The following VTCN1 variants were observed in gnomAD, a reference collection of about 807,000 sequenced individuals.
VTCN1 encodes V-set domain-containing T-cell activation inhibitor 1.
In VTCN1, 26 loss-of-function variants were observed where a neutral mutation model predicts 26.5. The ratio of observed to expected loss-of-function variants is 0.98; its 90% confidence interval spans 0.72 to 1.36. VTCN1 has a LOEUF of 1.36. Ranked by LOEUF, VTCN1 falls within the 40% of genes most tolerant of loss-of-function variation. The pLI is 0.00. For missense variants in VTCN1, 298 were observed against 337.7 expected, an observed-to-expected ratio of 0.88 and a Z score of 0.92; for synonymous variants, 116 against 130.7, an observed-to-expected ratio of 0.89 and a Z score of 0.77.
intron 2 of VTCN1, among the ~76,000 whole-genome samples, chr1:117,160,188 G>A (rs1652294554): frequency 6.6e-6 from 1 of 152,194 alleles, no homozygotes. Context: ...AAAATGGAAA[G>A]AGTCTTTCAT....
chr1:117,153,122 A>G lies in VTCN1; in HGVS notation c.693T>C (p.Ile231=), dbSNP rs917877484. Residue 231 remains isoleucine (I), a synonymous_variant, in exon 4 of 6, where the codon ATT becomes ATC. Coordinates refer to ENST00000369458, the MANE Select transcript of VTCN1 (RefSeq NM_024626.4). ...NTYSCMIEND[I]AKATGDIKVT... Reference sequence around the variant, plus strand: ...CTTTGATATCCCCTGTTGCTTTGGCAATGTCATTTTCAATCATACAGGAGT... The same window carrying G: ...CTTTGATATCCCCTGTTGCTTTGGCGATGTCATTTTCAATCATACAGGAGT... The G allele has an allele frequency of 6.2e-6, 10 of 1,611,908 alleles. No individual in the cohort carries two copies. The highest frequency in any genetic ancestry group is 8.5e-6 in the Non-Finnish European group (10 of 1,178,688).
chr1:117,160,485 A>G (rs894496934), intron 2 of VTCN1, among the ~76,000 whole-genome samples: 2 of 152,060 alleles, frequency 1.3e-5, no homozygotes, highest in South Asian at 4.1e-4. Flanking sequence ...TTTTCTAATC[A>G]CTCATCTTTA....
At chr1:117,193,401 G>A (rs1359841582) in intron 1 of VTCN1, among the ~76,000 whole-genome samples, 1 of 152,096 alleles carries the variant, frequency 6.6e-6, no homozygotes, top group Non-Finnish European at 1.5e-5. Context: ...TGAAGAAATG[G>A]AAAGATATTC....
chr1:117,210,468 C>T (rs141455678), intron 1 of VTCN1, among the ~76,000 whole-genome samples: 1 of 152,212 alleles, frequency 6.6e-6, no homozygotes, highest in African/African-American at 2.4e-5. Context: ...CACCATGCAA[C>T]CCACACCAGC....
chr1:117,169,243 A>C lies in VTCN1; in HGVS notation c.97+864T>G, dbSNP rs1273959690. ...GCTTCAGAGCAGTGGCCTATGCAGA[A>C]GAGGAAAGTGAAGAGACTCTTCTGC... is the stretch of plus-strand genomic sequence containing the variant. On this transcript the variant is annotated intron_variant, in intron 2 of 5. Transcript: ENST00000369458. This position sits in a 1 kb window ranked among gnomAD's most constrained non-coding sequence, Gnocchi z 4.0. Among the ~76,000 whole-genome samples the C allele has an allele frequency of 6.6e-6, 1 of 152,210 alleles. No individual in the cohort carries two copies. Among genetic ancestry groups the C allele is most frequent in the Non-Finnish European group, 1.5e-5 (1 of 68,032 alleles).
intron 1 of VTCN1, among the ~76,000 whole-genome samples, chr1:117,179,091 A>T (rs1263110235): frequency 6.6e-6 from 1 of 152,220 alleles, no homozygotes; most frequent in Non-Finnish European, 1.5e-5. Context: ...CACTTTAAAA[A>T]GAACACTGAT....
chr1:117,153,201 T>G lies in VTCN1; in HGVS notation c.614A>C (p.Asn205Thr). The G allele has an allele frequency of 6.2e-7, 1 of 1,614,126 alleles. No individual in the cohort carries two copies. The highest frequency in any genetic ancestry group is 8.5e-7 in the Non-Finnish European group (1 of 1,180,014). The change falls in exon 4 of 6, where the codon AAT becomes ACT. Residue 205 changes from asparagine (N) to threonine (T), a missense_variant. By Grantham distance (65) the Asn-to-Thr change is moderately conservative. Transcript: ENST00000369458. ...CACAGACACAACCTTCATGGTCACA[T>G]TCTCAGAGTTCAGCTCAAAGCTGGT... ...SNTSFELNSE[N>T]VTMKVVSVLY...
intron 1 of VTCN1, among the ~76,000 whole-genome samples, chr1:117,178,258 T>A (rs1557870643): frequency 7.4e-6 from 1 of 134,552 alleles, no homozygotes; most frequent in Non-Finnish European, 1.5e-5. Flanking sequence ...TTCTTTTTTT[T>A]CTTTTTTTTT....
rs539968124 is a variant in VTCN1 at position 117,144,566 on chromosome 1, ATTTG to A, written c.*701_*704del. The A allele has an allele frequency of 1.1e-3, 175 of 152,232 alleles. No homozygotes were observed. Among genetic ancestry groups the A allele is most frequent in the African/African-American group, 4.1e-3 (172 of 41,540 alleles). 9.4% of individuals were successfully genotyped at this position (152,232 alleles called of 1,614,324 possible). The stretch of plus-strand genomic sequence containing the variant: ...AACATCATCTGAGAAATAAACCCGC[ATTTG>A]TTTGTTTAAAAAGAAGGTGCTCAGT... On this transcript the variant is annotated 3_prime_UTR_variant, in exon 6 of 6. Transcript: ENST00000369458.
At chr1:117,187,309 C>CAAAAA (rs11415949) in intron 1 of VTCN1, among the ~76,000 whole-genome samples, 3 of 73,236 alleles carry the variant, frequency 4.1e-5, no homozygotes, top group African/African-American at 1.1e-4. Context: ...GACCTTGTCT[C>CAAAAA]AAAAAAAAAA....
intron 1 of VTCN1, among the ~76,000 whole-genome samples, chr1:117,198,261 T>A (rs939114661): frequency 3.3e-5 from 5 of 152,198 alleles, no homozygotes; most frequent in African/African-American, 2.4e-5. Flanking sequence ...AAATGCCTAC[T>A]CACTCTCTAG....
intron 1 of VTCN1, among the ~76,000 whole-genome samples, chr1:117,200,565 C>T (rs888682691): frequency 5.9e-5 from 9 of 152,150 alleles, no homozygotes; most frequent in African/African-American, 2.2e-4. Context: ...ATCTTCTTTG[C>T]CTCCTTACCC....
At chr1:117,190,990 T>C (rs893415733) in intron 1 of VTCN1, among the ~76,000 whole-genome samples, 2 of 152,034 alleles carry the variant, frequency 1.3e-5, no homozygotes, top group Non-Finnish European at 2.9e-5. Flanking sequence ...CTCAATGAGA[T>C]GCACAAAAGA....
Position 117,145,945 on chromosome 1 carries a change from C to T in VTCN1, c.*46-720G>A, listed in dbSNP as rs560915941. Among the ~76,000 whole-genome samples the T allele has an allele frequency of 2.6e-4, 39 of 152,292 alleles. No homozygotes were observed. Among genetic ancestry groups the T allele is most frequent in the Non-Finnish European group, 4.9e-4 (33 of 68,028 alleles). ...CACCATGCCCAGCCTTACTCATTTA[C>T]TTTAAAAAATCTACTTGATTTATGG... On this transcript the variant is annotated intron_variant, in intron 5 of 5. Transcript: ENST00000369458. This position sits in a 1 kb window ranked among gnomAD's most constrained non-coding sequence, Gnocchi z 4.6.
At chr1:117,150,132 C>T (rs1651713569) in intron 4 of VTCN1, among the ~76,000 whole-genome samples, 1 of 152,146 alleles carries the variant, frequency 6.6e-6, no homozygotes, top group Non-Finnish European at 1.5e-5. Flanking sequence ...ACTTCAGTCC[C>T]TCCTTCTCTT....
At chr1:117,199,297 T>G (rs1206252505) in intron 1 of VTCN1, among the ~76,000 whole-genome samples, 1 of 152,162 alleles carries the variant, frequency 6.6e-6, no homozygotes, top group Non-Finnish European at 1.5e-5. Context: ...AGAATATATA[T>G]TAGGTCAAAT....
intron 1 of VTCN1, among the ~76,000 whole-genome samples, chr1:117,174,504 C>T (rs914986592): frequency 3.9e-5 from 6 of 152,198 alleles, no homozygotes; most frequent in African/African-American, 9.6e-5. Context: ...CGGTGACTCA[C>T]GGCTGTAATC....
chr1:117,176,558 C>T (rs556126935), intron 1 of VTCN1, among the ~76,000 whole-genome samples: 3 of 152,208 alleles, frequency 2.0e-5, no homozygotes, highest in Non-Finnish European at 4.4e-5. Flanking sequence ...TTCTCAAATA[C>T]TAACAGAACT....
In VTCN1 at chr1:117,147,653, G is replaced by C. The variant is rs946358915; in HGVS notation, c.*5C>G. The C allele has an allele frequency of 6.2e-7, 1 of 1,610,952 alleles. No individual in the cohort carries two copies. Among genetic ancestry groups the C allele is most frequent in the East Asian group, 2.2e-5 (1 of 44,814 alleles). On this transcript the variant is annotated 3_prime_UTR_variant, in exon 5 of 6. Coordinates refer to ENST00000369458, the MANE Select transcript of VTCN1 (RefSeq NM_024626.4). This position sits in a 1 kb window ranked among gnomAD's most constrained non-coding sequence, Gnocchi z 4.6. The stretch of plus-strand genomic sequence containing the variant: ...CTTTGCATGCTTTTTTGTGGCCGAG[G>C]CACATTATTTTAGCATCAGGTAAGG...
Sources: gnomAD v4.1 joint callset for allele counts (sites outside exome capture counted in the v4.1 genomes callset) on GRCh38, gnomAD v4.1.1 for gene constraint, Gnocchi (gnomAD v3.1) non-coding constraint, MANE v1.5 for transcripts, NCBI Gene and HGNC (gene_info 2026-07-23, HGNC 2026-07-21) for gene names.